Variants in MDM4 observed in about 807,000 individuals in gnomAD.
The protein encoded by MDM4 is MDM4 regulator of p53.
A neutral mutation model predicts 60.2 loss-of-function variants in MDM4; 2 were observed. The ratio of observed to expected loss-of-function variants is 0.03; its 90% confidence interval spans 0.01 to 0.10. The LOEUF (loss-of-function observed/expected upper bound fraction) is 0.10, where lower values mean the gene tolerates loss of function less well. Among genes scored for constraint, MDM4 ranks in the 10% least tolerant of loss-of-function variants. The probability of loss-of-function intolerance (pLI) is 1.00; values close to 1 mark genes in which losing one functional copy is unlikely to be tolerated. For synonymous variants in MDM4, 202 were observed against 198.1 expected, an observed-to-expected ratio of 1.02 and a Z score of -0.17; for missense variants, 447 against 577.5, an observed-to-expected ratio of 0.77 and a Z score of 2.32.
chr1:204,526,279 G>A (rs1660139036), intron 2 of MDM4, 81 bp from the exon 3 acceptor site: 2 of 1,255,272 alleles, frequency 1.6e-6, no homozygotes, highest in South Asian at 2.5e-5. Flanking sequence ...GGGGGGAGCT[G>A]TTTAAAGAGG....
chr1:204,521,378 C>T (rs192634243), intron 1 of MDM4, among the ~76,000 whole-genome samples: 151 of 152,196 alleles, frequency 9.9e-4, no homozygotes, highest in Non-Finnish European at 1.8e-3. Flanking sequence ...GAGGCTGGAA[C>T]GTGTGTGATG....
At chr1:204,546,994 A>G in intron 10 of MDM4, 117 bp downstream of exon 10, 3 of 545,556 alleles carry the variant, frequency 5.5e-6, no homozygotes, top group East Asian at 6.5e-5. Flanking sequence ...TCCCTTGCCT[A>G]GTTGCTAAGT....
At chr1:204,519,732 TGAGCTG>T (rs1659363648) in intron 1 of MDM4, among the ~76,000 whole-genome samples, 1 of 151,912 alleles carries the variant, frequency 6.6e-6, no homozygotes, top group African/African-American at 2.4e-5. Context: ...GAGGCTTGCT[TGAGCTG>T]GGGAGGTTGA....
In MDM4 at chr1:204,550,587, G is replaced by A. The variant is rs1423439877; in HGVS notation, c.*905G>A. On this transcript the variant is annotated 3_prime_UTR_variant, in exon 11 of 11. Coordinates refer to ENST00000367182, the MANE Select transcript of MDM4 (RefSeq NM_002393.5). ...AAGTTTTTTTTTTTTTTTGAGAGAC[G>A]GTCTCACTTTGTCATCCAAGCTGGA... The A allele has an allele frequency of 5.7e-6, 1 of 176,902 alleles. No individual in the cohort carries two copies. Among genetic ancestry groups the A allele is most frequent in the Non-Finnish European group, 1.2e-5 (1 of 83,532 alleles). 11.0% of individuals were successfully genotyped at this position (176,902 alleles called of 1,614,324 possible).
At chr1:204,520,326 C>A in intron 1 of MDM4, among the ~76,000 whole-genome samples, 1 of 145,334 alleles carries the variant, frequency 6.9e-6, no homozygotes, top group Non-Finnish European at 1.5e-5. Flanking sequence ...AGGAATTAAT[C>A]TATGTTAGTG....
At chr1:204,545,041 T>C (rs889642937) in intron 9 of MDM4, among the ~76,000 whole-genome samples, 1 of 152,154 alleles carries the variant, frequency 6.6e-6, no homozygotes, top group Admixed American at 6.5e-5. Context: ...TCATAAACTT[T>C]TAAAAAACAT....
At chr1:204,529,574 T>A (rs1240167255) in intron 3 of MDM4, 1 of 1,434,684 alleles carries the variant, frequency 7.0e-7, no homozygotes, top group Non-Finnish European at 9.4e-7. Flanking sequence ...CACCAGGGGG[T>A]AGCACGCTGC....
At chr1:204,517,916 C>A (rs535509881) in intron 1 of MDM4, among the ~76,000 whole-genome samples, 1 of 151,816 alleles carries the variant, frequency 6.6e-6, no homozygotes, top group South Asian at 2.1e-4. Flanking sequence ...AATCCCAGCA[C>A]TTTGGGAGGC....
chr1:204,556,654 C>T lies in MDM4; in HGVS notation c.*6972C>T, dbSNP rs1663557959. On this transcript the variant is annotated 3_prime_UTR_variant, in exon 11 of 11. Coordinates refer to ENST00000367182, the MANE Select transcript of MDM4 (RefSeq NM_002393.5). ...GAGGTTGCAGTGAGCTGAGATGGCACCACTGCAATCCAAGGTGGGTGACAG... is the reference window on the plus strand; with the variant it reads ...GAGGTTGCAGTGAGCTGAGATGGCATCACTGCAATCCAAGGTGGGTGACAG... 4.8e-6 allele frequency: 1 copy of T among 206,692 alleles called. No homozygotes were observed. The highest frequency in any genetic ancestry group is 2.3e-5 in the African/African-American group (1 of 43,788). The allele number at this position is 206,692 out of a possible 1,614,324, so 12.8% of individuals were successfully genotyped here. A position where few individuals can be genotyped will look rare whatever the true frequency, so the allele number is the denominator to read the frequency against.
rs1346026428 is a variant in MDM4 at position 204,546,774 on chromosome 1, A to G, written c.823-23A>G. On this transcript the variant is annotated intron_variant, in intron 9 of 10. Coordinates refer to ENST00000367182, the MANE Select transcript of MDM4 (RefSeq NM_002393.5). The stretch of plus-strand genomic sequence containing the variant: ...CATCTAAAACAAGTAAACATTACTA[A>G]TGAGATGTTTTTGCCTTCACAGGTG... The G allele has an allele frequency of 6.6e-6, 10 of 1,521,746 alleles. 1 individual carries two copies. Among genetic ancestry groups the G allele is most frequent in the East Asian group, 4.5e-5 (2 of 44,416 alleles). 94.3% of individuals were successfully genotyped at this position (1,521,746 alleles called of 1,614,324 possible).
intron 1 of MDM4, among the ~76,000 whole-genome samples, chr1:204,517,293 G>A (rs1659083951): frequency 6.6e-6 from 1 of 151,794 alleles, no homozygotes; most frequent in Non-Finnish European, 1.5e-5. Context: ...GAAACCTACA[G>A]ACAGTATCGA....
chr1:204,542,888 T>A lies in MDM4; in HGVS notation c.616T>A (p.Leu206Met). 1 of 1,614,078 alleles carries A rather than the reference T, an allele frequency of 6.2e-7. No individual in the cohort carries two copies. The highest frequency in any genetic ancestry group is 1.1e-5 in the South Asian group (1 of 91,084). ...AGLPWWFLGN[L>M]RSNYTPRSNG... ...CCTGCCTTGGTGGTTTTTAGGAAAC[T>A]TGAGAAGCAACTATACACCTAGAAG... The change falls in exon 8 of 11, where the codon TTG becomes ATG. Residue 206 changes from leucine to methionine, a missense_variant. Leu to Met is a conservative substitution (Grantham distance 15, BLOSUM62 2). Coordinates refer to ENST00000367182, the MANE Select transcript of MDM4 (RefSeq NM_002393.5).
In MDM4 at chr1:204,557,248, C is replaced by T. The variant is rs1456499114; in HGVS notation, c.*7566C>T. The T allele has an allele frequency of 5.2e-6, 1 of 192,382 alleles. No homozygotes were observed. Among genetic ancestry groups the T allele is most frequent in the East Asian group, 8.2e-5 (1 of 12,218 alleles). The allele number at this position is 192,382 out of a possible 1,614,324, so 11.9% of individuals were successfully genotyped here. The stretch of plus-strand genomic sequence containing the variant: ...CAGAGCCTGTTTGATTACTGCAGGC[C>T]CTTTTACCCATGCTTCTAGTTTAGG... On this transcript the variant is annotated 3_prime_UTR_variant, in exon 11 of 11. Transcript: ENST00000367182.
chr1:204,551,453 G>A lies in MDM4; in HGVS notation c.*1771G>A, dbSNP rs116357120. The A allele has an allele frequency of 3.0e-3, 575 of 192,308 alleles. 1 individual carries two copies. The highest frequency in any genetic ancestry group is 0.016 in the African/African-American group (526 of 32,500). 11.9% of individuals were successfully genotyped at this position (192,308 alleles called of 1,614,324 possible). On this transcript the variant is annotated 3_prime_UTR_variant, in exon 11 of 11. Transcript: ENST00000367182. ...GCCTTGATATACTGGATGGTTGAGA[G>A]GCAGCCTCTTTTTTTTTTTTTTTTT...
In MDM4 at chr1:204,552,832, TCTTTA is replaced by T. The variant is rs915062578; in HGVS notation, c.*3154_*3158del. The T allele has an allele frequency of 5.6e-6, 1 of 179,798 alleles. No individual in the cohort carries two copies. Among genetic ancestry groups the T allele is most frequent in the African/African-American group, 2.4e-5 (1 of 42,322 alleles). The allele number at this position is 179,798 out of a possible 1,614,324, so 11.1% of individuals were successfully genotyped here. Reference sequence around the variant, plus strand: ...AGATATGTGCTTGAGCCGAATTTCATCTTTACTTGTAGGAAACTTTAAACTATTTC... The same window carrying T: ...AGATATGTGCTTGAGCCGAATTTCATCTTGTAGGAAACTTTAAACTATTTC... On this transcript the variant is annotated 3_prime_UTR_variant, in exon 11 of 11. Coordinates refer to ENST00000367182, the MANE Select transcript of MDM4 (RefSeq NM_002393.5).
intron 8 of MDM4, among the ~76,000 whole-genome samples, chr1:204,543,728 G>A (rs74140716): frequency 5.3e-4 from 81 of 152,294 alleles, no homozygotes; most frequent in African/African-American, 1.9e-3. Context: ...CCCATCCCTA[G>A]TTAAAATAGC....
intron 10 of MDM4, among the ~76,000 whole-genome samples, chr1:204,548,669 A>G (rs1055937971): frequency 6.6e-6 from 1 of 152,162 alleles, no homozygotes; most frequent in Non-Finnish European, 1.5e-5. Context: ...TTCAAATCTC[A>G]TTTGTTTTAG....
At position 204,530,927 on chromosome 1, in the gene MDM4, C is replaced by G. The variant is rs186965212; in HGVS notation, c.287+110C>G. On this transcript the variant is annotated intron_variant, in intron 4 of 10. Coordinates refer to ENST00000367182, the MANE Select transcript of MDM4 (RefSeq NM_002393.5). ...CACTCAACAAATATGTAAGAGCCTA[C>G]ATATGTTAGGTAGCCTATGAGGCAC... 10 of 1,409,072 alleles carry G rather than the reference C, an allele frequency of 7.1e-6. 1 individual carries two copies. Among genetic ancestry groups the G allele is most frequent in the East Asian group, 4.6e-5 (2 of 43,732 alleles). The allele number at this position is 1,409,072 out of a possible 1,614,324, so 87.3% of individuals were successfully genotyped here. A position where few individuals can be genotyped will look rare whatever the true frequency, so the allele number is the denominator to read the frequency against.
chr1:204,543,016 A>C, intron 8 of MDM4, 72 bp downstream of exon 8: 1 of 1,261,542 alleles, frequency 7.9e-7, no homozygotes, highest in South Asian at 1.4e-5. Flanking sequence ...ACTCTTGACC[A>C]CACATTATAT....
Sources: allele counts gnomAD v4.1 joint callset (sites outside exome capture counted in the v4.1 genomes callset), GRCh38; gene constraint gnomAD v4.1.1; transcripts MANE v1.5; gene names NCBI Gene and HGNC (gene_info 2026-07-23, HGNC 2026-07-21).